The following TXLNA variants were observed in gnomAD, a reference collection of about 807,000 sequenced individuals.
The protein encoded by TXLNA is taxilin alpha.
Under a neutral mutation model 61.4 loss-of-function variants are expected in TXLNA, and 9 were observed. The ratio of observed to expected loss-of-function variants is 0.15; its 90% CI spans 0.09 to 0.26. The LOEUF is 0.26. TXLNA is among the 10% of genes least tolerant of loss of function. TXLNA has a pLI of 1.00. For missense variants in TXLNA, 565 were observed against 688.8 expected (o/e 0.82, Z 2.01); for synonymous variants, 257 against 267.7 (o/e 0.96, Z 0.39).
intron 4 of TXLNA, among the ~76,000 whole-genome samples, chr1:32,186,875 A>G (rs55709278): frequency 0.027 from 4,079 of 152,352 alleles, 183 homozygotes; most frequent in African/African-American, 0.092. Flanking sequence ...TATAAATGTA[A>G]GATACACATC....
rs998092010 is a variant in TXLNA, at chr1:32,179,708, C to G, written c.-101C>G. The G allele has an allele frequency of 3.3e-5, 5 of 152,278 alleles. No homozygotes were observed. The highest frequency in any genetic ancestry group is 1.2e-4 in the African/African-American group (5 of 41,448). The allele number at this position is 152,278 out of a possible 1,614,324, so 9.4% of individuals were successfully genotyped here. A position where few individuals can be genotyped will look rare whatever the true frequency, so the allele number is the denominator to read the frequency against. On this transcript the variant is annotated 5_prime_UTR_variant, in exon 1 of 11. Coordinates refer to ENST00000373610, the MANE Select transcript of TXLNA (RefSeq NM_175852.4). The stretch of plus-strand genomic sequence containing the variant: ...GCTGAGGCGGGAGCAGGCGGCTGGC[C>G]GGCAGCAGTTACTCGGGGTTTCCGG...
Position 32,194,501 on chromosome 1 carries a change from G to C in TXLNA, c.1347+341G>C, listed in dbSNP as rs537351109. 3.9e-5 allele frequency among the ~76,000 whole-genome samples: 6 copies of C among 152,356 alleles called. No individual in the cohort carries two copies. The South Asian group carries it at 1.2e-3, about 32-fold the overall frequency. On this transcript the variant is annotated intron_variant, in intron 10 of 10. Transcript: ENST00000373610. ...GAAGAAAGGAACTAACGATGGAGCA[G>C]CAACTGCAAGCCAGACCTTGCTGAA...
Position 32,195,318 on chromosome 1 carries a change from G to A in TXLNA, c.*123G>A, listed in dbSNP as rs1642995466. 8.3e-7 allele frequency: 1 copy of A among 1,210,246 alleles called. No homozygotes were observed. The highest frequency in any genetic ancestry group is 2.9e-5 in the Admixed American group (1 of 34,588). The allele number at this position is 1,210,246 out of a possible 1,614,324, so 75.0% of individuals were successfully genotyped here. Reference sequence around the variant, plus strand: ...GGATGTTCTGACCTGGCTGGCATCTGGCACTTGCAATTTTGGATTTTGTGG... The same window carrying A: ...GGATGTTCTGACCTGGCTGGCATCTAGCACTTGCAATTTTGGATTTTGTGG... On this transcript the variant is annotated 3_prime_UTR_variant, in exon 11 of 11. Coordinates refer to ENST00000373610, the MANE Select transcript of TXLNA (RefSeq NM_175852.4).
intron 4 of TXLNA, among the ~76,000 whole-genome samples, chr1:32,184,961 T>G (rs890681459): frequency 6.6e-6 from 1 of 152,214 alleles, no homozygotes; most frequent in African/African-American, 2.4e-5. Context: ...ACTAGTCACT[T>G]GATACTTTTT....
chr1:32,181,251 C>G lies in TXLNA; in HGVS notation c.179C>G (p.Ala60Gly). 6.3e-7 allele frequency: 1 copy of G among 1,588,464 alleles called. No individual in the cohort carries two copies. The highest frequency in any genetic ancestry group is 2.2e-5 in the East Asian group (1 of 44,478). ...TCCTCTCCTGCTGTAGGGGCTCAAG[C>G]CAGAACGGCTCAGTCTGGGGCCCTT... is the stretch of plus-strand genomic sequence containing the variant. ...QAPRKPEGAQ[A>G]RTAQSGALRD... Residue 60 changes from alanine to glycine, a missense_variant, in exon 3 of 11, where the codon GCC becomes GGC. Physicochemically the swap from Ala to Gly is moderately conservative, Grantham distance 60. Around this residue, in one of 2 missense-constraint regions of TXLNA, gnomAD observed 192 missense variants for 184.8 expected, o/e 1.04. Coordinates refer to ENST00000373610, the MANE Select transcript of TXLNA (RefSeq NM_175852.4).
chr1:32,183,398 A>C (rs1171125579), intron 3 of TXLNA, among the ~76,000 whole-genome samples: 1 of 147,338 alleles, frequency 6.8e-6, no homozygotes, highest in Non-Finnish European at 1.5e-5. Context: ...TGCTGGGATT[A>C]CAGGCGTGGG....
At chr1:32,194,431 T>G (rs937883817) in intron 10 of TXLNA, among the ~76,000 whole-genome samples, 1 of 152,194 alleles carries the variant, frequency 6.6e-6, no homozygotes, top group Non-Finnish European at 1.5e-5. Context: ...CTGGTTTACA[T>G]GTAAAGCAGC....
Position 32,192,841 on chromosome 1 carries a change from A to G in TXLNA, c.1158+110A>G, listed in dbSNP as rs141759983. ...TAGGACTGGCTGTGTCCTGGCTGCT[A>G]TGACGCCTTGGTTGAGCCTTTGTTC... On this transcript the variant is annotated intron_variant, in intron 8 of 10. Coordinates refer to ENST00000373610, the MANE Select transcript of TXLNA (RefSeq NM_175852.4). The surrounding 1 kb of genome is among the most constrained non-coding windows in gnomAD (Gnocchi z 4.2). 439 of 1,145,254 alleles carry G rather than the reference A, an allele frequency of 3.8e-4. No homozygotes were observed. In the African/African-American group the frequency reaches 5.8e-3, roughly 15 times the overall value. 70.9% of individuals were successfully genotyped at this position (1,145,254 alleles called of 1,614,324 possible). A position where few individuals can be genotyped will look rare whatever the true frequency, so the allele number is the denominator to read the frequency against.
chr1:32,193,390 G>A, intron 9 of TXLNA, 90 bp downstream of exon 9: 1 of 986,502 alleles, frequency 1.0e-6, no homozygotes, highest in Non-Finnish European at 1.6e-6. Flanking sequence ...CTCCCATCTG[G>A]GGTGTCTCAA....
chr1:32,181,183 C>G, intron 2 of TXLNA, 59 bp from the exon 3 acceptor site: 1 of 1,410,766 alleles, frequency 7.1e-7, no homozygotes, highest in Non-Finnish European at 9.4e-7. Context: ...CTGAAAAATC[C>G]CAACCAGTGG....
intron 4 of TXLNA, among the ~76,000 whole-genome samples, chr1:32,185,125 T>C (rs1013248049): frequency 1.3e-5 from 2 of 152,264 alleles, no homozygotes; most frequent in Non-Finnish European, 2.9e-5. Flanking sequence ...TCCTGGTACA[T>C]GTAAGTGAAG....
At chr1:32,179,942 G>C (rs2124124954) in intron 1 of TXLNA, 166 bp downstream of exon 1, 1 of 154,112 alleles carries the variant, frequency 6.5e-6, no homozygotes, top group East Asian at 1.9e-4. Flanking sequence ...CGGGGCGTGG[G>C]TGGCTGCGCG....
chr1:32,193,729 G>C (rs986318447), intron 9 of TXLNA, among the ~76,000 whole-genome samples: 1 of 150,178 alleles, frequency 6.7e-6, no homozygotes, highest in Non-Finnish European at 1.5e-5. Context: ...TTTTTTTTTT[G>C]TATTTTTAGT....
At chr1:32,186,885 C>T (rs774097792) in intron 4 of TXLNA, among the ~76,000 whole-genome samples, 4 of 152,220 alleles carry the variant, frequency 2.6e-5, no homozygotes, top group Admixed American at 2.0e-4. Flanking sequence ...AGATACACAT[C>T]AGCTTTTGAA....
rs1016157931 is a variant in TXLNA at position 32,192,924 on chromosome 1, G to A, written c.1158+193G>A. Reference sequence around the variant, plus strand: ...GACCAGGTAGTTAGGTGGGCTCAGAGGACTTCATTTGTAGCTCAGAAATGT... The same window carrying A: ...GACCAGGTAGTTAGGTGGGCTCAGAAGACTTCATTTGTAGCTCAGAAATGT... On this transcript the variant is annotated intron_variant, in intron 8 of 10. Transcript: ENST00000373610. The surrounding 1 kb of genome is among the most constrained non-coding windows in gnomAD (Gnocchi z 4.2). 6.6e-6 allele frequency among the ~76,000 whole-genome samples: 1 copy of A among 152,108 alleles called. No individual in the cohort carries two copies. Among genetic ancestry groups the A allele is most frequent in the Admixed American group, 6.5e-5 (1 of 15,278 alleles).
Position 32,192,422 on chromosome 1 carries a change from A to G in TXLNA, c.1075A>G (p.Lys359Glu). 6.2e-7 allele frequency: 1 copy of G among 1,612,716 alleles called. No individual in the cohort carries two copies. The highest frequency in any genetic ancestry group is 2.2e-5 in the East Asian group (1 of 44,768). ...GGCAGAAGAGCGGCACCAGCGGGAG[A>G]AGGATTTTGTGAGGCTCAGGCCCCA... ...KEAEERHQRE[K>E]DFLLKEAVES... is the part of the protein sequence containing the mutation. Residue 359 changes from lysine (K) to glutamate (E), a missense_variant, in exon 7 of 11, where the codon AAG becomes GAG. Physicochemically the swap from Lys to Glu is moderately conservative, Grantham distance 56 (BLOSUM62 1). Transcript: ENST00000373610. This position sits in a 1 kb window ranked among gnomAD's most constrained non-coding sequence, Gnocchi z 4.2.
chr1:32,190,114 C>T lies in TXLNA; in HGVS notation c.828C>T (p.His276=). 1 of 1,594,354 alleles carries T rather than the reference C, an allele frequency of 6.3e-7. No individual in the cohort carries two copies. The highest frequency in any genetic ancestry group is 8.5e-7 in the Non-Finnish European group (1 of 1,170,654). The change falls in exon 6 of 11, where the codon CAC becomes CAT. Residue 276 remains histidine (H), a synonymous_variant. Coordinates refer to ENST00000373610, the MANE Select transcript of TXLNA (RefSeq NM_175852.4). The part of the protein sequence containing the change: ...EEEKRKEVTS[H]FQVTLNDIQL... ...AGAAGCGCAAGGAGGTGACCTCGCA[C>T]TTCCAGGTGACACTGAATGACATTC...
intron 2 of TXLNA, among the ~76,000 whole-genome samples, chr1:32,180,931 A>G (rs1341636582): frequency 1.3e-5 from 2 of 152,240 alleles, no homozygotes; most frequent in African/African-American, 2.4e-5. Context: ...GATGCTTTAC[A>G]TACTTTTATG....
At chr1:32,191,900 T>C (rs1001574640) in intron 6 of TXLNA, among the ~76,000 whole-genome samples, 11 of 152,250 alleles carry the variant, frequency 7.2e-5, no homozygotes, top group Non-Finnish European at 1.5e-4. Flanking sequence ...TGCCTAGATA[T>C]GGCAAGTCTT....
Sources: gnomAD v4.1 joint callset for allele counts (sites outside exome capture counted in the v4.1 genomes callset) on GRCh38, gnomAD v4.1.1 for gene constraint, gnomAD v4.1.1 regional missense constraint, Gnocchi (gnomAD v3.1) non-coding constraint, MANE v1.5 for transcripts, NCBI Gene and HGNC (gene_info 2026-07-23, HGNC 2026-07-21) for gene names.